The following INPP4B variants were observed in gnomAD, a reference collection of about 807,000 sequenced individuals.
The protein encoded by INPP4B is inositol polyphosphate-4-phosphatase type II B.
In INPP4B, 55 loss-of-function variants were observed where a neutral mutation model predicts 122.5. That is an observed-to-expected ratio of 0.45 (90% CI 0.36 to 0.56). The LOEUF is 0.56. INPP4B is among the 20% of genes least tolerant of loss of function. The probability of loss-of-function intolerance (pLI) is 0.00; values close to 1 mark genes in which losing one functional copy is unlikely to be tolerated. For missense variants in INPP4B, 1,000 were observed against 1,097.7 expected (o/e 0.91, Z 1.26); for synonymous variants, 403 against 388.7 (o/e 1.04, Z -0.43).
intron 9 of INPP4B, among the ~76,000 whole-genome samples, chr4:142,301,626 T>A (rs1341097784): frequency 1.3e-5 from 2 of 152,180 alleles, no homozygotes; most frequent in Non-Finnish European, 2.9e-5. Flanking sequence ...ATAATGAGAT[T>A]TTTTTCATTA....
intron 7 of INPP4B, among the ~76,000 whole-genome samples, chr4:142,373,691 C>T (rs1790760892): frequency 6.6e-6 from 1 of 151,890 alleles, no homozygotes; most frequent in South Asian, 2.1e-4. Flanking sequence ...AGCAGTGTTA[C>T]TAAGAGTTTG....
chr4:142,053,587 G>GTCATGGCC (rs5862569), intron 25 of INPP4B, among the ~76,000 whole-genome samples: 123,161 of 151,624 alleles, frequency 0.81, 52,201 homozygotes, highest in Non-Finnish European at 0.92. Context: ...TGTACCTGTA[G>GTCATGGCC]TCATGGCCCA....
At chr4:142,813,563 C>T (rs1038508061) in intron 1 of INPP4B, among the ~76,000 whole-genome samples, 1 of 152,090 alleles carries the variant, frequency 6.6e-6, no homozygotes, top group Non-Finnish European at 1.5e-5. Flanking sequence ...GAGCTTTGCT[C>T]TATACTTTGT....
intron 23 of INPP4B, among the ~76,000 whole-genome samples, chr4:142,103,463 C>T (rs184261655): frequency 9.2e-5 from 14 of 151,760 alleles, no homozygotes; most frequent in Admixed American, 2.6e-4. Context: ...TTTTTCCTGG[C>T]GCAAAAATAA....
At chr4:142,547,801 A>G (rs866494917) in intron 2 of INPP4B, among the ~76,000 whole-genome samples, 3 of 152,280 alleles carry the variant, frequency 2.0e-5, no homozygotes, top group Middle Eastern at 6.8e-3. Flanking sequence ...TCTGTGGAAA[A>G]CAAATTTAGG....
intron 9 of INPP4B, among the ~76,000 whole-genome samples, chr4:142,305,162 A>G (rs1471658478): frequency 1.3e-5 from 2 of 152,206 alleles, no homozygotes; most frequent in East Asian, 3.8e-4. Context: ...ATATTTAATA[A>G]CATGATCATA....
At chr4:142,607,308 T>C (rs1741476176) in intron 2 of INPP4B, among the ~76,000 whole-genome samples, 1 of 152,094 alleles carries the variant, frequency 6.6e-6, no homozygotes, top group Non-Finnish European at 1.5e-5. Context: ...GTCAAATATA[T>C]GCAAATGTTT....
intron 2 of INPP4B, among the ~76,000 whole-genome samples, chr4:142,648,390 G>C (rs1380924205): frequency 1.3e-5 from 2 of 152,174 alleles, no homozygotes; most frequent in African/African-American, 2.4e-5. Flanking sequence ...GAAGCACAAG[G>C]GGTTGGGGTA....
chr4:142,764,810 A>T (rs1402610603), intron 1 of INPP4B, among the ~76,000 whole-genome samples: 2 of 151,956 alleles, frequency 1.3e-5, no homozygotes, highest in Non-Finnish European at 2.9e-5. Flanking sequence ...AGATCCTCAG[A>T]TACACATGCT....
chr4:142,172,794 A>G (rs1349754221), intron 16 of INPP4B, among the ~76,000 whole-genome samples: 1 of 151,992 alleles, frequency 6.6e-6, no homozygotes, highest in African/African-American at 2.4e-5. Flanking sequence ...GTCTTACTCT[A>G]CAATTACGAG....
chr4:142,173,909 T>A, intron 15 of INPP4B, 100 bp from the exon 16 acceptor site: 1 of 939,750 alleles, frequency 1.1e-6, no homozygotes, highest in Non-Finnish European at 1.7e-6. Flanking sequence ...CAAGTATCAC[T>A]CTTTCCTATT....
At chr4:142,092,642 C>G (rs1363528165) in intron 23 of INPP4B, among the ~76,000 whole-genome samples, 1 of 152,192 alleles carries the variant, frequency 6.6e-6, no homozygotes, top group Admixed American at 6.5e-5. Flanking sequence ...CTCTTGAAAC[C>G]TACCTTACTG....
At chr4:142,285,394 G>A (rs1292991064) in intron 9 of INPP4B, among the ~76,000 whole-genome samples, 2 of 60,196 alleles carry the variant, frequency 3.3e-5, no homozygotes, top group Non-Finnish European at 5.4e-5. Flanking sequence ...GAGGTTCATG[G>A]CCTCAGACAT....
At chr4:142,126,855 G>A (rs1798837067) in intron 18 of INPP4B, among the ~76,000 whole-genome samples, 1 of 151,652 alleles carries the variant, frequency 6.6e-6, no homozygotes, top group South Asian at 2.1e-4. Context: ...TTTCATATTT[G>A]CATTTTTATC....
intron 1 of INPP4B, among the ~76,000 whole-genome samples, chr4:142,743,517 A>G (rs1768201575): frequency 6.6e-6 from 1 of 151,884 alleles, no homozygotes; most frequent in Admixed American, 6.6e-5. Flanking sequence ...TTGAGAATGC[A>G]TGAGAGATGT....
At chr4:142,155,074 A>G (rs1271688658) in intron 17 of INPP4B, among the ~76,000 whole-genome samples, 2 of 151,874 alleles carry the variant, frequency 1.3e-5, no homozygotes, top group Non-Finnish European at 2.9e-5. Context: ...CACTTACAAA[A>G]TTTGGAAGTA....
At chr4:142,771,819 AT>A (rs1197904334) in intron 1 of INPP4B, among the ~76,000 whole-genome samples, 4 of 151,894 alleles carry the variant, frequency 2.6e-5, no homozygotes, top group Non-Finnish European at 4.4e-5. Flanking sequence ...TTTTAATGTA[AT>A]TTTTTTTCAC....
intron 2 of INPP4B, among the ~76,000 whole-genome samples, chr4:142,606,827 T>C (rs1741370385): frequency 6.6e-6 from 1 of 152,028 alleles, no homozygotes; most frequent in Non-Finnish European, 1.5e-5. Flanking sequence ...TTATCTGTGG[T>C]GCATATATGT....
At chr4:142,073,759 C>G (rs1159768965) in intron 25 of INPP4B, among the ~76,000 whole-genome samples, 1 of 152,062 alleles carries the variant, frequency 6.6e-6, no homozygotes, top group Non-Finnish European at 1.5e-5. Flanking sequence ...TCTCTTGTCT[C>G]AACCTTCCAG....
Sources: gnomAD v4.1 joint callset for allele counts (sites outside exome capture counted in the v4.1 genomes callset) on GRCh38, gnomAD v4.1.1 for gene constraint, MANE v1.5 for transcripts, NCBI Gene and HGNC (gene_info 2026-07-23, HGNC 2026-07-21) for gene names.